GASK1B: variants seen among roughly 807,000 people sequenced by gnomAD.
GASK1B encodes the protein golgi associated kinase 1B, also known as Golgi-associated kinase 1B.
GASK1B carries 34 observed loss-of-function variants against 42.8 expected under a neutral mutation model. The ratio of observed to expected loss-of-function variants is 0.79; its 90% CI spans 0.60 to 1.06. GASK1B has a LOEUF of 1.06. Among genes scored for constraint, GASK1B ranks in the 50% least tolerant of loss-of-function variants. GASK1B has a pLI of 0.00. For synonymous variants in GASK1B, 262 were observed against 259.1 expected (o/e 1.01, Z -0.11); for missense variants, 686 against 661.0 (o/e 1.04, Z -0.42).
At chr4:158,132,423 T>A (rs1470434361) in intron 3 of GASK1B, among the ~76,000 whole-genome samples, 2 of 152,190 alleles carry the variant, frequency 1.3e-5, no homozygotes, top group Non-Finnish European at 2.9e-5. Flanking sequence ...CAAACAGTTA[T>A]TGAACATCTT....
chr4:158,132,195 G>A (rs1026799377), intron 3 of GASK1B, among the ~76,000 whole-genome samples: 12 of 152,164 alleles, frequency 7.9e-5, no homozygotes, highest in African/African-American at 2.6e-4. Flanking sequence ...TCCCCAGTAC[G>A]TCATATTGAA....
chr4:158,169,090 C>T (rs982406883), intron 2 of GASK1B: 6 of 152,156 alleles, frequency 3.9e-5, no homozygotes, highest in African/African-American at 1.4e-4. Flanking sequence ...CTCAATAAGC[C>T]TCAATTTTCT....
Position 158,129,873 on chromosome 4 carries a change from A to G in GASK1B, c.1352+913T>C, listed in dbSNP as rs947744543. Among the ~76,000 whole-genome samples the G allele has an allele frequency of 2.6e-5, 4 of 152,190 alleles. No homozygotes were observed. The South Asian group carries it at 8.3e-4, about 31-fold the overall frequency. On this transcript the variant is annotated intron_variant, in intron 4 of 4. Transcript: ENST00000585682. Reference sequence around the variant, plus strand: ...AGTATGGAGAGTGGCTCTGCCCACTAGGCAGTGGAGCTTGAAATCTAGCCA... The same window carrying G: ...AGTATGGAGAGTGGCTCTGCCCACTGGGCAGTGGAGCTTGAAATCTAGCCA...
At chr4:158,171,768 T>C (rs1048185615) in intron 1 of GASK1B, among the ~76,000 whole-genome samples, 169 bp from the exon 2 acceptor site, 6 of 152,182 alleles carry the variant, frequency 3.9e-5, no homozygotes. Context: ...ATAGATTTGA[T>C]AGTCACTTGA....
Position 158,170,557 on chromosome 4 carries a change from G to A in GASK1B, c.819C>T (p.Asp273=). The A allele has an allele frequency of 1.2e-6, 2 of 1,614,222 alleles. No individual in the cohort carries two copies. The highest frequency in any genetic ancestry group is 1.1e-5 in the South Asian group (1 of 91,090). The change falls in exon 2 of 5, where the codon GAC becomes GAT. Residue 273 remains aspartate, a synonymous_variant. Coordinates refer to ENST00000585682, the MANE Select transcript of GASK1B (RefSeq NM_001128424.2). ...SPCGLLKQPL[D]MSEVFAFHLD... ...GGTGGAAGGCAAACACCTCACTCAT[G>A]TCCAAGGGCTGCTTGAGAAGCCCAC...
chr4:158,140,092 C>T (rs982574402), intron 3 of GASK1B, among the ~76,000 whole-genome samples: 1 of 152,130 alleles, frequency 6.6e-6, no homozygotes, highest in Non-Finnish European at 1.5e-5. Context: ...TAGTTTGGTG[C>T]CTGCCTTTAT....
chr4:158,131,833 C>T (rs572611800), intron 3 of GASK1B, among the ~76,000 whole-genome samples: 1 of 151,024 alleles, frequency 6.6e-6, no homozygotes, highest in Non-Finnish European at 1.5e-5. Flanking sequence ...TTTCCATCAC[C>T]GACTCTCAAT....
rs149442120 is a variant in GASK1B, at chr4:158,127,437, G to C, written c.1530C>G (p.His510Gln). 1.2e-6 allele frequency: 2 copies of C among 1,613,372 alleles called. No homozygotes were observed. The highest frequency in any genetic ancestry group is 8.5e-7 in the Non-Finnish European group (1 of 1,179,608). Residue 510 changes from histidine (H) to glutamine (Q), a missense_variant, in exon 5 of 5, where the codon CAC becomes CAG. His to Gln is a conservative substitution (Grantham distance 24). Coordinates refer to ENST00000585682, the MANE Select transcript of GASK1B (RefSeq NM_001128424.2). Reference protein sequence around the residue: ...AKILITYINAHGVKVLPMNE With the variant: ...AKILITYINAQGVKVLPMNE Reference sequence around the variant, plus strand: ...CATTCATAGGTAATACTTTGACCCCGTGTGCATTGATATAGGTGATAAGAA... The same window carrying C: ...CATTCATAGGTAATACTTTGACCCCCTGTGCATTGATATAGGTGATAAGAA...
In GASK1B at chr4:158,127,255, T is replaced by C; in HGVS notation, c.*152A>G. ...TTTTAAGTATGCATACAGTGCTAAG[T>C]CCCATTATAGCTACTTGGTTAAAGT... is the stretch of plus-strand genomic sequence containing the variant. On this transcript the variant is annotated 3_prime_UTR_variant, in exon 5 of 5. Transcript: ENST00000585682. 1.5e-6 allele frequency: 1 copy of C among 646,254 alleles called. No individual in the cohort carries two copies. The highest frequency in any genetic ancestry group is 2.7e-6 in the Non-Finnish European group (1 of 367,756). 40.0% of individuals were successfully genotyped at this position (646,254 alleles called of 1,614,324 possible).
intron 2 of GASK1B, chr4:158,170,189 G>T: frequency 6.4e-7 from 1 of 1,574,438 alleles, no homozygotes; most frequent in Non-Finnish European, 8.7e-7. Flanking sequence ...GATTTAATAA[G>T]CCACTGGGAA....
At chr4:158,164,769 C>T (rs924823449) in intron 2 of GASK1B, among the ~76,000 whole-genome samples, 3 of 152,198 alleles carry the variant, frequency 2.0e-5, no homozygotes, top group Non-Finnish European at 4.4e-5. Context: ...TGTGTCCTTA[C>T]CTGAAAGCCT....
chr4:158,165,411 A>G (rs1249851717), intron 2 of GASK1B, among the ~76,000 whole-genome samples: 1 of 152,178 alleles, frequency 6.6e-6, no homozygotes, highest in African/African-American at 2.4e-5. Context: ...AGACTCTTGC[A>G]AGGACAATTT....
intron 2 of GASK1B, among the ~76,000 whole-genome samples, chr4:158,163,711 TAAAATATAAAGCACA>T (rs888239093): frequency 6.6e-6 from 1 of 152,176 alleles, no homozygotes; most frequent in Non-Finnish European, 1.5e-5. Context: ...ATTATGCTAA[TAAAATATAAAGCACA>T]AAAATATTAA....
chr4:158,155,731 A>G lies in GASK1B; in HGVS notation c.1005T>C (p.Tyr335=). ...HSSVKLTWGT[Y]QQLLKQKCWQ... ...AGCATTTCTGTTTCAGCAACTGCTG[A>G]TAAGTTCCCCAGGTGAGCTTAACAG... Residue 335 remains tyrosine (Y), a synonymous_variant, in exon 3 of 5, where the codon TAT becomes TAC. Transcript: ENST00000585682. The G allele has an allele frequency of 6.2e-7, 1 of 1,613,906 alleles. No individual in the cohort carries two copies.
At position 158,171,324 on chromosome 4, in the gene GASK1B, G is replaced by A; in HGVS notation, c.52C>T (p.Leu18=). ...AGCTTACGCACCCGCGGGACGCACA[G>A]GGAGCAGATGAACCAGTTTATGAGC... ...GQLINWFICS[L]CVPRVRKLWS... Residue 18 remains leucine (L), a synonymous_variant, in exon 2 of 5, where the codon CTG becomes TTG. Coordinates refer to ENST00000585682, the MANE Select transcript of GASK1B (RefSeq NM_001128424.2). 2 of 1,611,454 alleles carry A rather than the reference G, an allele frequency of 1.2e-6. No homozygotes were observed. Among genetic ancestry groups the A allele is most frequent in the Non-Finnish European group, 1.7e-6 (2 of 1,178,602 alleles).
chr4:158,151,400 A>G (rs1004476941), intron 3 of GASK1B, among the ~76,000 whole-genome samples: 8 of 152,222 alleles, frequency 5.3e-5, no homozygotes, highest in East Asian at 1.9e-4. Context: ...AGATCCCAAC[A>G]AATCCCAGCT....
In GASK1B at chr4:158,127,448, T is replaced by C; in HGVS notation, c.1519A>G (p.Ile507Val). 1 of 1,613,740 alleles carries C rather than the reference T, an allele frequency of 6.2e-7. No homozygotes were observed. Among genetic ancestry groups the C allele is most frequent in the Non-Finnish European group, 8.5e-7 (1 of 1,179,716 alleles). Residue 507 changes from isoleucine to valine, a missense_variant, in exon 5 of 5, where the codon ATC (isoleucine) becomes GTC (valine). Coordinates refer to ENST00000585682, the MANE Select transcript of GASK1B (RefSeq NM_001128424.2). Reference sequence around the variant, plus strand: ...AATACTTTGACCCCGTGTGCATTGATATAGGTGATAAGAATTTTGGCTCTG... The same window carrying C: ...AATACTTTGACCCCGTGTGCATTGACATAGGTGATAAGAATTTTGGCTCTG... ...EHRAKILITY[I>V]NAHGVKVLPM... is the part of the protein sequence containing the mutation.
intron 3 of GASK1B, among the ~76,000 whole-genome samples, chr4:158,149,942 T>TTTTTTTTTTTTTTTTTC (rs1731488592): frequency 7.0e-6 from 1 of 142,058 alleles, no homozygotes; most frequent in Non-Finnish European, 1.5e-5. Context: ...TTTTTTTTTT[T>TTTTTTTTTTTTTTTTTC]GAGACGGAGT....
chr4:158,147,810 T>C (rs1731390459), intron 3 of GASK1B, among the ~76,000 whole-genome samples: 2 of 152,220 alleles, frequency 1.3e-5, no homozygotes, highest in South Asian at 4.1e-4. Flanking sequence ...GTTAATTTTC[T>C]TGATATACAA....
Sources: allele counts gnomAD v4.1 joint callset (sites outside exome capture counted in the v4.1 genomes callset), GRCh38; gene constraint gnomAD v4.1.1; transcripts MANE v1.5; gene names NCBI Gene and HGNC (gene_info 2026-07-23, HGNC 2026-07-21).